Variants in ST6GALNAC3 observed in about 807,000 individuals in gnomAD.
The protein encoded by ST6GALNAC3 is ST6 N-acetylgalactosaminide alpha-2,6-sialyltransferase 3.
ST6GALNAC3 carries 25 observed loss-of-function variants against 32.7 expected under a neutral mutation model. That is an observed-to-expected ratio of 0.76 (90% CI 0.56 to 1.07). ST6GALNAC3 has a LOEUF of 1.07. ST6GALNAC3 is among the 50% of genes least tolerant of loss of function. The pLI is 0.00. For synonymous variants in ST6GALNAC3, 129 were observed against 133.1 expected, an observed-to-expected ratio of 0.97 and a Z score of 0.21; for missense variants, 355 against 382.4, an observed-to-expected ratio of 0.93 and a Z score of 0.60.
intron 2 of ST6GALNAC3, among the ~76,000 whole-genome samples, chr1:76,315,455 C>T (rs11809814): frequency 0.025 from 3,785 of 152,052 alleles, 159 homozygotes; most frequent in African/African-American, 0.086. Flanking sequence ...AATTTGATTT[C>T]GGAGTGTGAA....
rs1392167782 is a variant in ST6GALNAC3 at position 76,440,776 on chromosome 1, G to T, written c.623+28359G>T. 3.3e-5 allele frequency among the ~76,000 whole-genome samples: 5 copies of T among 152,076 alleles called. No individual in the cohort carries two copies. The East Asian group carries it at 9.6e-4, about 29-fold the overall frequency. ...AAGATAAAAAACGGATTTTTCTTCA[G>T]GATCTGCTAAGTAGAAACAACAACA... On this transcript the variant is annotated intron_variant, in intron 3 of 4. Coordinates refer to ENST00000328299, the MANE Select transcript of ST6GALNAC3 (RefSeq NM_152996.4).
At chr1:76,548,989 G>A (rs78471656) in intron 3 of ST6GALNAC3, among the ~76,000 whole-genome samples, 1,574 of 152,276 alleles carry the variant, frequency 0.01, 13 homozygotes, top group Non-Finnish European at 0.016. Flanking sequence ...CTGGCTGCTA[G>A]ATGAAAAGAG....
At chr1:76,142,427 A>G (rs1650388599) in intron 1 of ST6GALNAC3, among the ~76,000 whole-genome samples, 1 of 152,090 alleles carries the variant, frequency 6.6e-6, no homozygotes, top group East Asian at 1.9e-4. Flanking sequence ...GGTGTTGTCT[A>G]CACCTGCATA....
intron 3 of ST6GALNAC3, among the ~76,000 whole-genome samples, chr1:76,590,589 A>G (rs968072316): frequency 2.0e-5 from 3 of 152,234 alleles, no homozygotes; most frequent in Admixed American, 2.0e-4. Context: ...CAAACTCTCT[A>G]TGGATGTACT....
At chr1:76,098,026 C>A (rs1358911819) in intron 1 of ST6GALNAC3, among the ~76,000 whole-genome samples, 5 of 151,872 alleles carry the variant, frequency 3.3e-5, no homozygotes, top group Non-Finnish European at 7.4e-5. Context: ...ATGAGGGAAC[C>A]AGTACATGTT....
chr1:76,158,318 T>A (rs1331113807), intron 1 of ST6GALNAC3, among the ~76,000 whole-genome samples: 1 of 152,070 alleles, frequency 6.6e-6, no homozygotes, highest in Admixed American at 6.5e-5. Flanking sequence ...ATCTGTGCAA[T>A]GCAGTTCTAC....
intron 3 of ST6GALNAC3, among the ~76,000 whole-genome samples, chr1:76,448,674 T>A (rs1468838243): frequency 6.6e-6 from 1 of 152,176 alleles, no homozygotes; most frequent in Non-Finnish European, 1.5e-5. Context: ...CAAGACCCAA[T>A]GTTTTTAAAA....
intron 1 of ST6GALNAC3, among the ~76,000 whole-genome samples, chr1:76,269,421 C>A (rs1658713776): frequency 1.3e-5 from 2 of 152,186 alleles, no homozygotes; most frequent in Admixed American, 6.5e-5. Context: ...TGTGGCCATG[C>A]TGGAATGAGG....
chr1:76,464,257 G>A (rs1327309575), intron 3 of ST6GALNAC3, among the ~76,000 whole-genome samples: 4 of 152,088 alleles, frequency 2.6e-5, no homozygotes, highest in Admixed American at 2.0e-4. Context: ...GTATTTGTAC[G>A]TTTCCAGGAA....
At chr1:76,585,194 G>A (rs968883093) in intron 3 of ST6GALNAC3, among the ~76,000 whole-genome samples, 1 of 152,044 alleles carries the variant, frequency 6.6e-6, no homozygotes, top group African/African-American at 2.4e-5. Context: ...AGACCATCCT[G>A]GCCAACATGG....
At chr1:76,366,227 G>A (rs1297415906) in intron 2 of ST6GALNAC3, among the ~76,000 whole-genome samples, 1 of 151,958 alleles carries the variant, frequency 6.6e-6, no homozygotes, top group Non-Finnish European at 1.5e-5. Context: ...CCCTTGTTTT[G>A]CTTTCAAGAC....
chr1:76,203,060 A>T (rs1408726776), intron 1 of ST6GALNAC3, among the ~76,000 whole-genome samples: 2 of 152,184 alleles, frequency 1.3e-5, no homozygotes, highest in Non-Finnish European at 2.9e-5. Context: ...ATTACGGATT[A>T]AAAAAATTAC....
intron 3 of ST6GALNAC3, among the ~76,000 whole-genome samples, chr1:76,605,997 T>G (rs533728826): frequency 6.7e-6 from 1 of 149,100 alleles, no homozygotes; most frequent in East Asian, 2.0e-4. Context: ...GAAATGCAAA[T>G]TAAAACCACA....
intron 1 of ST6GALNAC3, among the ~76,000 whole-genome samples, chr1:76,137,619 GT>G (rs1274219493): frequency 1.3e-5 from 2 of 152,176 alleles, no homozygotes; most frequent in African/African-American, 4.8e-5. Flanking sequence ...TTGTCTTTAT[GT>G]GTATTCTTCA....
intron 2 of ST6GALNAC3, among the ~76,000 whole-genome samples, chr1:76,398,975 T>G (rs191966868): frequency 6.6e-6 from 1 of 152,204 alleles, no homozygotes; most frequent in Non-Finnish European, 1.5e-5. Flanking sequence ...TTCTGGATTA[T>G]GAATGATAAG....
intron 3 of ST6GALNAC3, among the ~76,000 whole-genome samples, chr1:76,579,359 G>A (rs187866290): frequency 2.1e-4 from 32 of 151,662 alleles, no homozygotes; most frequent in African/African-American, 7.7e-4. Context: ...AAATCCAATA[G>A]CATATTATTT....
chr1:76,514,805 G>A (rs1406010283), intron 3 of ST6GALNAC3, among the ~76,000 whole-genome samples: 1 of 151,972 alleles, frequency 6.6e-6, no homozygotes, highest in Admixed American at 6.6e-5. Flanking sequence ...CTAAGACAGT[G>A]GTGTGTCACA....
chr1:76,609,914 CCATAGAGTGTGGCTTTTTAAT>C (rs1484322090), intron 3 of ST6GALNAC3, among the ~76,000 whole-genome samples: 1 of 152,098 alleles, frequency 6.6e-6, no homozygotes, highest in African/African-American at 2.4e-5. Flanking sequence ...AACGCCTTGG[CCATAGAGTGTGGCTTTTTAAT>C]CTAGTGCTAA....
At chr1:76,622,552 C>G (rs187639980) in intron 3 of ST6GALNAC3, among the ~76,000 whole-genome samples, 86 of 151,954 alleles carry the variant, frequency 5.7e-4, no homozygotes, top group African/African-American at 1.5e-3. Context: ...ATCCACTGCC[C>G]TCTTAGGACC....
Sources: gnomAD v4.1 joint callset for allele counts (sites outside exome capture counted in the v4.1 genomes callset) on GRCh38, gnomAD v4.1.1 for gene constraint, MANE v1.5 for transcripts, NCBI Gene and HGNC (gene_info 2026-07-23, HGNC 2026-07-21) for gene names.